STIM1: variants seen among roughly 807,000 people sequenced by gnomAD.
STIM1 encodes stromal interaction molecule 1.
Under a neutral mutation model 74.7 loss-of-function variants are expected in STIM1, and 25 were observed. That is an observed-to-expected ratio of 0.33 (90% CI 0.24 to 0.47). The LOEUF is 0.47. Ranked by LOEUF, STIM1 falls within the 20% of genes least tolerant of loss-of-function variation. STIM1 has a pLI of 1.00. For synonymous variants in STIM1, 328 were observed against 348.8 expected, an observed-to-expected ratio of 0.94 and a Z score of 0.66; for missense variants, 728 against 920.8, an observed-to-expected ratio of 0.79 and a Z score of 2.71.
rs114524936 is a variant in STIM1, at chr11:3,921,334, G to A, written c.140-46218G>A. 9.3e-3 allele frequency among the ~76,000 whole-genome samples: 1,422 copies of A among 152,262 alleles called. 23 individuals carry two copies. The highest frequency in any genetic ancestry group is 0.032 in the African/African-American group (1,344 of 41,540). On this transcript the variant is annotated intron_variant, in intron 1 of 12. Coordinates refer to ENST00000526596, the MANE Select transcript of STIM1 (RefSeq NM_001382567.1). ...TATTTTCTGTTTCAGTCAGAAAAAA[G>A]GATTAAAAACTATTTGTATTCATGG...
chr11:3,858,233 GTT>G (rs370455770), intron 1 of STIM1, among the ~76,000 whole-genome samples: 6 of 146,108 alleles, frequency 4.1e-5, no homozygotes, highest in Admixed American at 6.9e-5. Flanking sequence ...TATTAGGAAG[GTT>G]TTTTTTTTTT....
chr11:4,081,277 A>G (rs748646181), intron 7 of STIM1, among the ~76,000 whole-genome samples: 11 of 152,196 alleles, frequency 7.2e-5, no homozygotes, highest in Non-Finnish European at 1.2e-4. Context: ...CAGTGTACAT[A>G]ATGTCTGTAT....
rs761059057 is a variant in STIM1 at position 3,895,671 on chromosome 11, TTTCCTTCC to T, written c.139+39270_139+39277del. On this transcript the variant is annotated intron_variant, in intron 1 of 12. Coordinates refer to ENST00000526596, the MANE Select transcript of STIM1 (RefSeq NM_001382567.1). ...CTTTCTTTCTTTCTTTCTTTCTTTC[TTTCCTTCC>T]TTCCTTCTTTCTTTCTTTCTTTCTT... is the stretch of plus-strand genomic sequence containing the variant. Among the ~76,000 whole-genome samples, 176 of 43,322 alleles carry T rather than the reference TTTCCTTCC, an allele frequency of 4.1e-3. 6 individuals carry two copies. Among genetic ancestry groups the T allele is most frequent in the African/African-American group, 0.011 (93 of 8,476 alleles). 28.4% of individuals were successfully genotyped at this position (43,322 alleles called of 152,430 possible). A position where few individuals can be genotyped will look rare whatever the true frequency, so the allele number is the denominator to read the frequency against.
intron 1 of STIM1, among the ~76,000 whole-genome samples, chr11:3,862,559 G>T (rs2090659321): frequency 6.6e-6 from 1 of 152,192 alleles, no homozygotes; most frequent in Non-Finnish European, 1.5e-5. Context: ...ATATGCATCA[G>T]AATGACCGAG....
chr11:3,895,691 TTTC>T (rs756909947), intron 1 of STIM1, among the ~76,000 whole-genome samples: 681 of 33,674 alleles, frequency 0.02, 67 homozygotes, highest in African/African-American at 0.042. Flanking sequence ...TCCTTCTTTC[TTTC>T]TTTCTTTCTT....
chr11:4,058,054 A>C (rs971736687), intron 4 of STIM1, among the ~76,000 whole-genome samples: 1 of 152,286 alleles, frequency 6.6e-6, no homozygotes, highest in Middle Eastern at 3.4e-3. Flanking sequence ...ATTCCAGTTC[A>C]TAGGTTTCTT....
chr11:3,905,519 C>T (rs915818695), intron 1 of STIM1, among the ~76,000 whole-genome samples: 1 of 152,016 alleles, frequency 6.6e-6, no homozygotes, highest in African/African-American at 2.4e-5. Context: ...CTGTGCTGCT[C>T]TGCTGAAGCC....
intron 2 of STIM1, among the ~76,000 whole-genome samples, chr11:3,969,232 C>A (rs979006544): frequency 3.9e-5 from 6 of 152,112 alleles, no homozygotes; most frequent in African/African-American, 1.4e-4. Flanking sequence ...TGCCTGTAAT[C>A]CCAGCACTTC....
intron 2 of STIM1, among the ~76,000 whole-genome samples, chr11:4,019,940 C>G (rs867865448): frequency 5.9e-5 from 9 of 152,234 alleles, no homozygotes; most frequent in South Asian, 4.1e-4. Context: ...CAATCTCTCC[C>G]CATCTCCCTG....
At chr11:3,993,039 C>T (rs2093630124) in intron 2 of STIM1, among the ~76,000 whole-genome samples, 2 of 150,156 alleles carry the variant, frequency 1.3e-5, no homozygotes, top group Non-Finnish European at 3.0e-5. Context: ...CATTTATTCT[C>T]AATGTAGCAG....
At position 4,070,166 on chromosome 11, in the gene STIM1, C is replaced by T; in HGVS notation, c.754C>T (p.His252Tyr). 1.2e-6 allele frequency: 2 copies of T among 1,614,136 alleles called. No homozygotes were observed. Among genetic ancestry groups the T allele is most frequent in the Non-Finnish European group, 1.7e-6 (2 of 1,180,036 alleles). Residue 252 changes from histidine (H) to tyrosine (Y), a missense_variant, in exon 6 of 13, where the codon CAC becomes TAC. By Grantham distance (83) the His-to-Tyr change is moderately conservative. Around this residue, in one of 5 missense-constraint regions of STIM1, gnomAD observed 131 missense variants for 235.9 expected, o/e 0.56. Coordinates refer to ENST00000526596, the MANE Select transcript of STIM1 (RefSeq NM_001382567.1). The stretch of plus-strand genomic sequence containing the variant: ...GATGATGAAGGACTTGGAGGGGTTA[C>T]ACCGAGCTGAGCAGAGTCTGCATGA... Reference protein sequence around the residue: ...KKMMKDLEGLHRAEQSLHDLQ... With the variant: ...KKMMKDLEGLYRAEQSLHDLQ...
chr11:3,997,911 G>T (rs938613283), intron 2 of STIM1, among the ~76,000 whole-genome samples: 1 of 152,158 alleles, frequency 6.6e-6, no homozygotes, highest in South Asian at 2.1e-4. Context: ...AGACTACAAT[G>T]TCTTGTCTTA....
intron 1 of STIM1, among the ~76,000 whole-genome samples, chr11:3,948,520 A>C (rs1002409215): frequency 6.6e-6 from 1 of 152,186 alleles, no homozygotes; most frequent in Non-Finnish European, 1.5e-5. Context: ...AGATGAAAAA[A>C]TAGTGCCTCC....
rs539083324 is a variant in STIM1 at position 3,886,786 on chromosome 11, G to A, written c.139+30377G>A. Among the ~76,000 whole-genome samples, 58 of 151,272 alleles carry A rather than the reference G, an allele frequency of 3.8e-4. No homozygotes were observed. The East Asian group carries it at 0.011, about 29-fold the overall frequency. On this transcript the variant is annotated intron_variant, in intron 1 of 12. Transcript: ENST00000526596. ...TGGGAGGCCGAGGCGGGCGGATTAC[G>A]AGGTCAGGAGATCGAGATCATCCTG...
intron 1 of STIM1, among the ~76,000 whole-genome samples, chr11:3,862,735 C>T (rs1004629147): frequency 4.6e-5 from 7 of 151,970 alleles, no homozygotes; most frequent in South Asian, 4.2e-4. Context: ...CGTGAGCCAC[C>T]GTGCCCAGCC....
intron 1 of STIM1, among the ~76,000 whole-genome samples, chr11:3,940,960 G>T (rs1325423995): frequency 6.6e-6 from 1 of 152,166 alleles, no homozygotes; most frequent in African/African-American, 2.4e-5. Context: ...GGACTCTAGA[G>T]CCAGACTGCC....
chr11:4,039,658 TAGTC>T (rs2094133251), intron 3 of STIM1, among the ~76,000 whole-genome samples: 1 of 152,032 alleles, frequency 6.6e-6, no homozygotes, highest in African/African-American at 2.4e-5. Flanking sequence ...TGTGAGATGT[TAGTC>T]AGATGTATTG....
At chr11:3,950,900 T>C (rs558307182) in intron 1 of STIM1, among the ~76,000 whole-genome samples, 1 of 152,310 alleles carries the variant, frequency 6.6e-6, no homozygotes, top group South Asian at 2.1e-4. Flanking sequence ...AGTATTGGGA[T>C]TACAGGCATG....
chr11:4,062,217 A>T (rs2094335771), intron 5 of STIM1, among the ~76,000 whole-genome samples: 1 of 152,232 alleles, frequency 6.6e-6, no homozygotes, highest in South Asian at 2.1e-4. Context: ...CACCAAAATA[A>T]AAAAGTTTTA....
Sources: gnomAD v4.1 joint callset for allele counts (sites outside exome capture counted in the v4.1 genomes callset) on GRCh38, gnomAD v4.1.1 for gene constraint, gnomAD v4.1.1 regional missense constraint, MANE v1.5 for transcripts, NCBI Gene and HGNC (gene_info 2026-07-23, HGNC 2026-07-21) for gene names.